The following DRD2 variants were observed in gnomAD, a reference collection of about 807,000 sequenced individuals.
The protein encoded by DRD2 is D(2) dopamine receptor.
A neutral mutation model predicts 38.0 loss-of-function variants in DRD2; 8 were observed. The ratio of observed to expected loss-of-function variants is 0.21; its 90% CI spans 0.12 to 0.38. The LOEUF (loss-of-function observed/expected upper bound fraction) is 0.38, where lower values mean the gene tolerates loss of function less well. Among genes scored for constraint, DRD2 ranks in the 10% least tolerant of loss-of-function variants. The pLI is 1.00. For missense variants in DRD2, 403 were observed against 607.7 expected, an observed-to-expected ratio of 0.66 and a Z score of 3.54; for synonymous variants, 230 against 238.6, an observed-to-expected ratio of 0.96 and a Z score of 0.33.
intron 1 of DRD2, among the ~76,000 whole-genome samples, chr11:113,451,490 ATTAT>A (rs962625846): frequency 6.6e-6 from 1 of 151,736 alleles, no homozygotes; most frequent in Non-Finnish European, 1.5e-5. Context: ...TCTTTTATTT[ATTAT>A]TTATTTATTT....
chr11:113,412,999 C>CG (rs1415875646), intron 6 of DRD2, 116 bp from the exon 7 acceptor site: 1 of 1,205,472 alleles, frequency 8.3e-7, no homozygotes, highest in Non-Finnish European at 1.2e-6. Context: ...ACCACAGGGT[C>CG]ACCCTGCCAG....
chr11:113,459,599 C>T (rs1951298721), intron 1 of DRD2, among the ~76,000 whole-genome samples: 1 of 152,006 alleles, frequency 6.6e-6, no homozygotes, highest in Admixed American at 6.6e-5. Context: ...AGGTGGATCT[C>T]CTGGAGGCAG....
chr11:113,410,616 G>T lies in DRD2; in HGVS notation c.*111C>A. 1 of 1,371,940 alleles carries T rather than the reference G, an allele frequency of 7.3e-7. No homozygotes were observed. The highest frequency in any genetic ancestry group is 1.0e-6 in the Non-Finnish European group (1 of 964,048). 85.0% of individuals were successfully genotyped at this position (1,371,940 alleles called of 1,614,324 possible). On this transcript the variant is annotated 3_prime_UTR_variant, in exon 8 of 8. Transcript: ENST00000362072. ...CGAACACTGCAGGGCCTGCCGGGGTGAAGAGGAGGCCGATCCACCCAGGCC... is the reference window on the plus strand; with the variant it reads ...CGAACACTGCAGGGCCTGCCGGGGTTAAGAGGAGGCCGATCCACCCAGGCC...
intron 1 of DRD2, among the ~76,000 whole-genome samples, chr11:113,435,923 C>G (rs916101833): frequency 6.6e-6 from 1 of 152,206 alleles, no homozygotes; most frequent in Non-Finnish European, 1.5e-5. Context: ...AACAATCCTG[C>G]CTATTTGGCA....
chr11:113,450,066 T>C (rs1191324913), intron 1 of DRD2: 2 of 154,638 alleles, frequency 1.3e-5, no homozygotes, highest in African/African-American at 4.8e-5. Context: ...TGTTCACAAG[T>C]GAAGTAGTGG....
rs549433093 is a variant in DRD2 at position 113,447,278 on chromosome 11, T to A, written c.-31-22596A>T. Among the ~76,000 whole-genome samples the A allele has an allele frequency of 6.6e-5, 10 of 152,288 alleles. No individual in the cohort carries two copies. In the South Asian group the frequency reaches 2.1e-3, roughly 32 times the overall value. The stretch of plus-strand genomic sequence containing the variant: ...CCCTGGAATTGCTCAGGCTCCGTGA[T>A]GTTGTTCTTTAAATCATAAAATCCT... On this transcript the variant is annotated intron_variant, in intron 1 of 7. Coordinates refer to ENST00000362072, the MANE Select transcript of DRD2 (RefSeq NM_000795.4).
chr11:113,468,949 A>G (rs1000920996), intron 1 of DRD2, among the ~76,000 whole-genome samples: 1 of 152,350 alleles, frequency 6.6e-6, no homozygotes, highest in African/African-American at 2.4e-5. Flanking sequence ...GTGGAAGCTT[A>G]GTCTTGGAGA....
chr11:113,422,838 C>A (rs1283948495), intron 2 of DRD2, among the ~76,000 whole-genome samples: 1 of 152,178 alleles, frequency 6.6e-6, no homozygotes, highest in African/African-American at 2.4e-5. Context: ...GCGTCCTCAT[C>A]TAGATTTCTC....
chr11:113,443,609 TC>T (rs1243193313), intron 1 of DRD2, among the ~76,000 whole-genome samples: 1 of 152,190 alleles, frequency 6.6e-6, no homozygotes, highest in Non-Finnish European at 1.5e-5. Context: ...GCTCTATCTG[TC>T]CTCCTAGCAT....
intron 7 of DRD2, among the ~76,000 whole-genome samples, chr11:113,412,329 G>A (rs1187077808): frequency 6.6e-6 from 1 of 152,076 alleles, no homozygotes; most frequent in African/African-American, 2.4e-5. Context: ...TCAAACCATG[G>A]GTCCTCTTGG....
At chr11:113,436,034 C>T (rs1951032466) in intron 1 of DRD2, among the ~76,000 whole-genome samples, 2 of 152,170 alleles carry the variant, frequency 1.3e-5, no homozygotes, top group Admixed American at 1.3e-4. Context: ...TGCTGGAAAC[C>T]TCCGGAAGCC....
At chr11:113,460,710 T>C (rs1276477236) in intron 1 of DRD2, among the ~76,000 whole-genome samples, 1 of 152,196 alleles carries the variant, frequency 6.6e-6, no homozygotes, top group East Asian at 1.9e-4. Context: ...TATGGACTCC[T>C]GTGGCTGTGA....
At chr11:113,468,800 A>C (rs1211984732) in intron 1 of DRD2, among the ~76,000 whole-genome samples, 2 of 152,100 alleles carry the variant, frequency 1.3e-5, no homozygotes, top group African/African-American at 4.8e-5. Flanking sequence ...TGCCCACCTC[A>C]GCCTCCCAAA....
intron 1 of DRD2, among the ~76,000 whole-genome samples, chr11:113,458,346 C>A (rs1479452935): frequency 2.0e-5 from 3 of 152,036 alleles, no homozygotes; most frequent in Admixed American, 6.6e-5. Flanking sequence ...AATCTCTGAC[C>A]CACATGGGTG....
At chr11:113,466,475 A>G (rs189893639) in intron 1 of DRD2, among the ~76,000 whole-genome samples, 3 of 152,174 alleles carry the variant, frequency 2.0e-5, no homozygotes, top group South Asian at 4.2e-4. Context: ...GTAGGTTCCA[A>G]CCATTCAATA....
At chr11:113,423,132 C>T (rs1188160759) in intron 2 of DRD2, among the ~76,000 whole-genome samples, 2 of 152,202 alleles carry the variant, frequency 1.3e-5, no homozygotes, top group African/African-American at 4.8e-5. Context: ...AATGCTCCCA[C>T]ATCTGCTCGC....
chr11:113,431,129 C>T (rs995180219), intron 1 of DRD2, among the ~76,000 whole-genome samples: 1 of 152,200 alleles, frequency 6.6e-6, no homozygotes, highest in African/African-American at 2.4e-5. Flanking sequence ...AAATCACAAT[C>T]CCCAGTCAAC....
At chr11:113,452,506 T>C (rs1393602529) in intron 1 of DRD2, among the ~76,000 whole-genome samples, 1 of 147,360 alleles carries the variant, frequency 6.8e-6, no homozygotes, top group East Asian at 2.1e-4. Context: ...GGACAGGAAA[T>C]GAGACACTGC....
At position 113,475,290 on chromosome 11, in the gene DRD2, C is replaced by CGGCGGGGCGG. The variant is rs964182274; in HGVS notation, c.-256_-247dup. Reference sequence around the variant, plus strand: ...CCCGCGGGGAGCAGTGGACGGGCCGCGGCGGGGCGGGGCGGGGCGGGGCCG... The same window carrying CGGCGGGGCGG: ...CCCGCGGGGAGCAGTGGACGGGCCGCGGCGGGGCGGGGCGGGGCGGGGCGGGGCGGGGCCG... On this transcript the variant is annotated 5_prime_UTR_variant, in exon 1 of 8. Transcript: ENST00000362072. 2.0e-5 allele frequency: 3 copies of CGGCGGGGCGG among 147,696 alleles called. No homozygotes were observed. Among genetic ancestry groups the CGGCGGGGCGG allele is most frequent in the Non-Finnish European group, 3.0e-5 (2 of 66,080 alleles). The allele number at this position is 147,696 out of a possible 1,614,324, so 9.1% of individuals were successfully genotyped here. A position where few individuals can be genotyped will look rare whatever the true frequency, so the allele number is the denominator to read the frequency against.
Sources: gnomAD v4.1 joint callset for allele counts (sites outside exome capture counted in the v4.1 genomes callset) on GRCh38, gnomAD v4.1.1 for gene constraint, MANE v1.5 for transcripts, NCBI Gene and HGNC (gene_info 2026-07-23, HGNC 2026-07-21) for gene names.